Variants in BBOF1 observed in about 807,000 individuals in gnomAD.
BBOF1 encodes the protein basal body-orientation factor 1.
Under a neutral mutation model 68.0 loss-of-function variants are expected in BBOF1, and 62 were observed. That is an observed-to-expected ratio of 0.91 (90% CI 0.74 to 1.13). The LOEUF is 1.13. BBOF1 is among the 50% of genes most tolerant of loss of function. BBOF1 has a pLI of 0.00. For synonymous variants in BBOF1, 208 were observed against 198.8 expected (o/e 1.05, Z -0.39); for missense variants, 534 against 600.1 (o/e 0.89, Z 1.15).
At chr14:74,066,332 A>AT (rs1353884177), downstream of BBOF1, among the ~76,000 whole-genome samples, 13 of 152,226 alleles carry the variant, frequency 8.5e-5, no homozygotes, top group African/African-American at 2.9e-4. Context: ...AAAATTAATC[A>AT]TATATAAAAT....
chr14:74,028,467 TACACACACACACACAC>T (rs34677110), intron 2 of BBOF1, among the ~76,000 whole-genome samples: 3,963 of 138,292 alleles, frequency 0.029, 105 homozygotes, highest in East Asian at 0.058. Context: ...ACTAAAGAAA[TACACACACACACACAC>T]ACACACACAC....
Position 74,048,090 on chromosome 14 carries a change from G to C in BBOF1, c.792+16G>C. ...ACATCAAAAGGTTCCCTCTCATTTA[G>C]ACTTGGTGTCCTTCTTTTCTTTATT... is the stretch of plus-strand genomic sequence containing the variant. On this transcript the variant is annotated intron_variant, in intron 7 of 11. Coordinates refer to ENST00000394009, the MANE Select transcript of BBOF1 (RefSeq NM_025057.3). 6.3e-7 allele frequency: 1 copy of C among 1,596,706 alleles called. No individual in the cohort carries two copies. Among genetic ancestry groups the C allele is most frequent in the South Asian group, 1.2e-5 (1 of 86,846 alleles).
chr14:74,074,579 A>G (rs1269429558), intron 9 of BBOF1, among the ~76,000 whole-genome samples: 1 of 152,162 alleles, frequency 6.6e-6, no homozygotes, highest in Non-Finnish European at 1.5e-5. Context: ...AAAGCGGTCT[A>G]TGAACCAAAA....
chr14:74,061,324 C>CAG (rs1331790529), intron 11 of BBOF1, among the ~76,000 whole-genome samples: 1 of 133,200 alleles, frequency 7.5e-6, no homozygotes, highest in Non-Finnish European at 1.6e-5. Context: ...TATTTTGAGA[C>CAG]AGAGTCTTGC....
intron 12 of BBOF1, chr14:74,082,655 C>A (rs959756871): frequency 2.6e-5 from 4 of 152,168 alleles, no homozygotes; most frequent in African/African-American, 9.7e-5. Context: ...CCACCTTGGC[C>A]TCCCAAAGTG....
At position 74,046,051 on chromosome 14, in the gene BBOF1, C is replaced by CT; in HGVS notation, c.577-3dup. 1 of 1,597,536 alleles carries CT rather than the reference C, an allele frequency of 6.3e-7. No homozygotes were observed. The highest frequency in any genetic ancestry group is 8.5e-7 in the Non-Finnish European group (1 of 1,173,120). ...CATAATTATTTAAGCAGCCCATTTT[C>CT]TTTTTTAGCACCGACTAGAACAAGA... On this transcript the variant is annotated splice_polypyrimidine_tract_variant and intron_variant, in intron 5 of 11. Coordinates refer to ENST00000394009, the MANE Select transcript of BBOF1 (RefSeq NM_025057.3).
At chr14:74,068,642 C>T (rs1043340862), downstream of BBOF1, among the ~76,000 whole-genome samples, 1 of 151,952 alleles carries the variant, frequency 6.6e-6, no homozygotes, top group Admixed American at 6.6e-5. Flanking sequence ...ACTCGGGAGG[C>T]TGAGGCAGGA....
intron 11 of BBOF1, chr14:74,060,543 CAA>C (rs2060316266): frequency 4.4e-6 from 4 of 918,594 alleles, no homozygotes; most frequent in Middle Eastern, 2.1e-4. Flanking sequence ...CAATGTATTC[CAA>C]TCCCATCGAT....
chr14:74,066,386 TG>T (rs1161029497), downstream of BBOF1, among the ~76,000 whole-genome samples: 3 of 152,214 alleles, frequency 2.0e-5, no homozygotes, highest in Non-Finnish European at 2.9e-5. Flanking sequence ...ACATTTTTTT[TG>T]GAACACAGCC....
intron 2 of BBOF1, among the ~76,000 whole-genome samples, chr14:74,027,318 C>T (rs2059454127): frequency 6.6e-6 from 1 of 150,392 alleles, no homozygotes; most frequent in Admixed American, 6.6e-5. Context: ...AACTCCTGAC[C>T]TCAGGTGATC....
chr14:74,074,781 A>C (rs765719), intron 9 of BBOF1, among the ~76,000 whole-genome samples: 16,941 of 152,230 alleles, frequency 0.11, 1,239 homozygotes, highest in Admixed American at 0.19. Flanking sequence ...AGCCATGAAA[A>C]TGTTTGTATC....
chr14:74,034,832 T>C (rs1190399752), intron 4 of BBOF1, among the ~76,000 whole-genome samples: 2 of 152,186 alleles, frequency 1.3e-5, no homozygotes, highest in Non-Finnish European at 2.9e-5. Context: ...GGCTTATGCC[T>C]GTAATCCCAG....
chr14:74,082,393 G>GTTTTTTTT (rs869211328), intron 12 of BBOF1, among the ~76,000 whole-genome samples: 1 of 77,568 alleles, frequency 1.3e-5, no homozygotes. Flanking sequence ...CAAAATCGAG[G>GTTTTTTTT]TTTTTTTTTT....
chr14:74,021,295 T>C (rs145896716), intron 1 of BBOF1, among the ~76,000 whole-genome samples: 3 of 152,200 alleles, frequency 2.0e-5, no homozygotes, highest in African/African-American at 4.8e-5. Context: ...TTCTCAGGCA[T>C]CCTTAAAGCC....
intron 11 of BBOF1, chr14:74,060,223 C>T: frequency 6.0e-6 from 1 of 167,012 alleles, no homozygotes. Flanking sequence ...CGTTCTTCAA[C>T]TCCTGGGCTC....
chr14:74,064,922 T>C lies in BBOF1; in HGVS notation c.*223T>C. On this transcript the variant is annotated 3_prime_UTR_variant, in exon 12 of 12. Transcript: ENST00000394009. ...TGGAATGGGGACATTCACTCCCACC[T>C]AAAACAGAACAAATCCGTGTCATAT... is the stretch of plus-strand genomic sequence containing the variant. 1 of 1,612,720 alleles carries C rather than the reference T, an allele frequency of 6.2e-7. No individual in the cohort carries two copies. Among genetic ancestry groups the C allele is most frequent in the Non-Finnish European group, 8.5e-7 (1 of 1,178,922 alleles).
At chr14:74,056,838 A>C in intron 9 of BBOF1, 68 bp from the exon 10 acceptor site, 3 of 1,071,390 alleles carry the variant, frequency 2.8e-6, no homozygotes, top group African/African-American at 1.6e-5. Flanking sequence ...AAAATACAAA[A>C]AGAAAATATG....
chr14:74,029,365 C>A, intron 3 of BBOF1, 116 bp downstream of exon 3: 1 of 626,412 alleles, frequency 1.6e-6, no homozygotes, highest in South Asian at 1.8e-5. Flanking sequence ...AGGCTAATGA[C>A]CTTAAAGCTT....
chr14:74,062,086 G>A (rs1375363056), intron 11 of BBOF1, among the ~76,000 whole-genome samples: 3 of 148,404 alleles, frequency 2.0e-5, no homozygotes, highest in African/African-American at 5.0e-5. Flanking sequence ...AAAAAGCTGG[G>A]CGTGGTGGAG....
Sources: allele counts gnomAD v4.1 joint callset (sites outside exome capture counted in the v4.1 genomes callset), GRCh38; gene constraint gnomAD v4.1.1; transcripts MANE v1.5; gene names NCBI Gene and HGNC (gene_info 2026-07-23, HGNC 2026-07-21).